The following ACTR3B variants were observed in gnomAD, a reference collection of about 807,000 sequenced individuals.
ACTR3B encodes actin related protein 3B.
In ACTR3B, 8 loss-of-function variants were observed where a neutral mutation model predicts 59.0. The ratio of observed to expected loss-of-function variants is 0.14; its 90% CI spans 0.08 to 0.24. The LOEUF is 0.24. Ranked by LOEUF, ACTR3B falls within the 10% of genes least tolerant of loss-of-function variation. The probability of loss-of-function intolerance (pLI) is 1.00; values close to 1 mark genes in which losing one functional copy is unlikely to be tolerated. For missense variants in ACTR3B, 245 were observed against 552.3 expected, an observed-to-expected ratio of 0.44 and a Z score of 5.58; for synonymous variants, 148 against 197.9, an observed-to-expected ratio of 0.75 and a Z score of 2.12.
At chr7:152,829,491 T>C (rs1000751583) in intron 9 of ACTR3B, among the ~76,000 whole-genome samples, 12 of 152,256 alleles carry the variant, frequency 7.9e-5, no homozygotes, top group Non-Finnish European at 1.2e-4. Context: ...TATTTCCGTC[T>C]GACGTGTAGA....
At chr7:152,771,760 C>T (rs1376471672) in intron 1 of ACTR3B, among the ~76,000 whole-genome samples, 2 of 152,150 alleles carry the variant, frequency 1.3e-5, no homozygotes, top group Non-Finnish European at 2.9e-5. Context: ...AAAATGGAAG[C>T]GTATCCTGGT....
chr7:152,764,563 G>A (rs1488802296), intron 1 of ACTR3B, among the ~76,000 whole-genome samples: 6 of 151,380 alleles, frequency 4.0e-5, no homozygotes, highest in Non-Finnish European at 7.4e-5. Context: ...CAGGAGGATC[G>A]CTTGAACCAG....
intron 5 of ACTR3B, among the ~76,000 whole-genome samples, chr7:152,815,530 C>T (rs1171306948): frequency 5.3e-5 from 8 of 152,182 alleles, no homozygotes; most frequent in East Asian, 3.9e-4. Context: ...TTTTGGGCTT[C>T]GTCTTCGACC....
At chr7:152,818,313 C>T (rs1795869858) in intron 6 of ACTR3B, among the ~76,000 whole-genome samples, 1 of 152,180 alleles carries the variant, frequency 6.6e-6, no homozygotes, top group Non-Finnish European at 1.5e-5. Flanking sequence ...TATCTTAGTT[C>T]AGTTTTTCCT....
intron 1 of ACTR3B, among the ~76,000 whole-genome samples, chr7:152,764,761 A>G (rs2098102829): frequency 6.6e-6 from 1 of 152,112 alleles, no homozygotes; most frequent in South Asian, 2.1e-4. Context: ...ATGCATATGT[A>G]ATTTTGCTAG....
At chr7:152,836,342 A>C (rs923794238) in intron 9 of ACTR3B, among the ~76,000 whole-genome samples, 1 of 151,948 alleles carries the variant, frequency 6.6e-6, no homozygotes. Flanking sequence ...ACGCCTCTGT[A>C]ATCCCATCAC....
chr7:152,785,559 G>A (rs1383389813), intron 2 of ACTR3B, among the ~76,000 whole-genome samples: 1 of 145,560 alleles, frequency 6.9e-6, no homozygotes, highest in Non-Finnish European at 1.5e-5. Flanking sequence ...AGGAGTCAAG[G>A]TTAGAAGATG....
At chr7:152,810,127 G>C (rs1024728464) in intron 4 of ACTR3B, among the ~76,000 whole-genome samples, 4 of 151,832 alleles carry the variant, frequency 2.6e-5, no homozygotes, top group African/African-American at 9.7e-5. Flanking sequence ...TTGTTTTTGA[G>C]ATGGAGTTAA....
At chr7:152,840,131 C>CT (rs1275551872) in intron 9 of ACTR3B, among the ~76,000 whole-genome samples, 3 of 103,616 alleles carry the variant, frequency 2.9e-5, no homozygotes, top group African/African-American at 1.1e-4. Context: ...TTGCTGGAGT[C>CT]TTTTTTCCCT....
At chr7:152,801,793 C>T (rs879541100) in intron 4 of ACTR3B, 62 bp downstream of exon 4, 2 of 591,104 alleles carry the variant, frequency 3.4e-6, no homozygotes, top group Admixed American at 6.3e-5. Context: ...AGATTTTAAA[C>T]TGAAGATATT....
chr7:152,836,509 C>A (rs1311282217), intron 9 of ACTR3B, among the ~76,000 whole-genome samples: 1 of 151,842 alleles, frequency 6.6e-6, no homozygotes, highest in Non-Finnish European at 1.5e-5. Context: ...ATCCCTTGAG[C>A]CCAGAAGGTC....
chr7:152,787,547 A>C (rs1357055833), intron 2 of ACTR3B, among the ~76,000 whole-genome samples: 1 of 151,928 alleles, frequency 6.6e-6, no homozygotes, highest in Non-Finnish European at 1.5e-5. Context: ...TATTTTTTCT[A>C]AGAAAATTTT....
At chr7:152,846,641 CG>C in intron 9 of ACTR3B, among the ~76,000 whole-genome samples, 1 of 91,814 alleles carries the variant, frequency 1.1e-5, no homozygotes, top group African/African-American at 4.2e-5. Flanking sequence ...TGAGCCCCAG[CG>C]CCCGGGCTGC....
At chr7:152,759,948 C>T (rs2098083777) in intron 1 of ACTR3B, 22 bp downstream of exon 1, 1 of 1,352,726 alleles carries the variant, frequency 7.4e-7, no homozygotes, top group Non-Finnish European at 9.6e-7. Flanking sequence ...TCGGCGCCCA[C>T]CCCCGCTCCT....
Position 152,838,925 on chromosome 7 carries a change from G to T in ACTR3B, c.952-13201G>T, listed in dbSNP as rs189157627. On this transcript the variant is annotated intron_variant, in intron 9 of 11. Transcript: ENST00000256001. ...GAGTCCACATTATAAGAGGGTTGTT[G>T]TTGGGTTTTGAAGTATATCCAGAGG... Among the ~76,000 whole-genome samples the T allele has an allele frequency of 2.8e-3, 429 of 152,284 alleles. 1 individual carries two copies. The highest frequency in any genetic ancestry group is 1.0e-2 in the African/African-American group (415 of 41,544).
chr7:152,834,508 T>C (rs1797288076), intron 9 of ACTR3B, among the ~76,000 whole-genome samples: 1 of 152,252 alleles, frequency 6.6e-6, no homozygotes, highest in African/African-American at 2.4e-5. Flanking sequence ...GAACTGTAAA[T>C]AGGTAGATAG....
At chr7:152,799,002 A>G (rs1394953628) in intron 2 of ACTR3B, among the ~76,000 whole-genome samples, 1 of 152,150 alleles carries the variant, frequency 6.6e-6, no homozygotes, top group African/African-American at 2.4e-5. Flanking sequence ...ATGTGAACTT[A>G]GGATTATTTT....
At chr7:152,829,057 T>TACAC (rs1194718052) in intron 9 of ACTR3B, among the ~76,000 whole-genome samples, 8 of 144,762 alleles carry the variant, frequency 5.5e-5, no homozygotes, top group Non-Finnish European at 7.4e-5. Flanking sequence ...TATATATATA[T>TACAC]ACACACACAC....
intron 1 of ACTR3B, among the ~76,000 whole-genome samples, chr7:152,765,984 C>T (rs983085638): frequency 4.0e-5 from 6 of 151,832 alleles, no homozygotes; most frequent in Non-Finnish European, 5.9e-5. Context: ...TGATAATCTT[C>T]GCATTTATTT....
Sources: allele counts gnomAD v4.1 joint callset (sites outside exome capture counted in the v4.1 genomes callset), GRCh38; gene constraint gnomAD v4.1.1; transcripts MANE v1.5; gene names NCBI Gene and HGNC (gene_info 2026-07-23, HGNC 2026-07-21).